PNLIPRP3: variants seen among roughly 807,000 people sequenced by gnomAD.
PNLIPRP3 encodes the protein pancreatic lipase-related protein 3.
PNLIPRP3 carries 58 observed loss-of-function variants against 52.8 expected under a neutral mutation model. That is an observed-to-expected ratio of 1.10 (90% CI 0.89 to 1.37). The LOEUF is 1.37. Among genes scored for constraint, PNLIPRP3 ranks in the 40% most tolerant of loss-of-function variants. PNLIPRP3 has a pLI of 0.00. For synonymous variants in PNLIPRP3, 192 were observed against 185.0 expected (o/e 1.04, Z -0.31); for missense variants, 593 against 561.6 (o/e 1.06, Z -0.57).
intron 2 of PNLIPRP3, among the ~76,000 whole-genome samples, chr10:116,438,516 T>C (rs1456352345): frequency 6.6e-6 from 1 of 152,202 alleles, no homozygotes; most frequent in Admixed American, 6.5e-5. Flanking sequence ...ACACTACTCT[T>C]TACTGAAATC....
At chr10:116,445,828 T>C (rs1845940246) in intron 4 of PNLIPRP3, among the ~76,000 whole-genome samples, 1 of 152,134 alleles carries the variant, frequency 6.6e-6, no homozygotes, top group Non-Finnish European at 1.5e-5. Context: ...AAGGAGCAGC[T>C]AAAGGAACAG....
At chr10:116,459,029 C>A (rs1158482521) in intron 5 of PNLIPRP3, among the ~76,000 whole-genome samples, 3 of 152,072 alleles carry the variant, frequency 2.0e-5, no homozygotes, top group Admixed American at 1.3e-4. Context: ...TTTACTTGAC[C>A]CCTCTGCAGA....
intron 9 of PNLIPRP3, among the ~76,000 whole-genome samples, chr10:116,469,963 A>G (rs1003677780): frequency 1.3e-5 from 1 of 78,678 alleles, no homozygotes; most frequent in African/African-American, 3.8e-5. Context: ...TATTGCCACA[A>G]TTCAGGCAAA....
intron 7 of PNLIPRP3, among the ~76,000 whole-genome samples, chr10:116,465,277 C>T (rs912609342): frequency 2.0e-5 from 3 of 152,098 alleles, no homozygotes; most frequent in African/African-American, 7.2e-5. Flanking sequence ...CGGTGGCTCA[C>T]ACCTGCAATC....
chr10:116,463,429 C>A (rs1480044716), intron 7 of PNLIPRP3, among the ~76,000 whole-genome samples: 2 of 152,108 alleles, frequency 1.3e-5, no homozygotes, highest in African/African-American at 4.8e-5. Context: ...TCCTTCAGGA[C>A]CTCTCTCCCC....
At chr10:116,442,223 A>G (rs991895992) in intron 2 of PNLIPRP3, among the ~76,000 whole-genome samples, 4 of 152,176 alleles carry the variant, frequency 2.6e-5, no homozygotes, top group African/African-American at 9.7e-5. Context: ...AGTCTTTGAG[A>G]GTTTTGTTAT....
At chr10:116,469,603 G>C (rs1040948203) in intron 9 of PNLIPRP3, among the ~76,000 whole-genome samples, 3 of 152,216 alleles carry the variant, frequency 2.0e-5, no homozygotes, top group African/African-American at 7.2e-5. Context: ...TTTCTAAGCT[G>C]ACTCCTGAAG....
chr10:116,449,034 AAAT>A lies in PNLIPRP3; in HGVS notation c.456+4522_456+4524del, dbSNP rs1253634454. Among the ~76,000 whole-genome samples the A allele has an allele frequency of 2.6e-3, 206 of 79,638 alleles. 1 individual carries two copies. Among genetic ancestry groups the A allele is most frequent in the African/African-American group, 7.5e-3 (196 of 26,238 alleles). 52.2% of individuals were successfully genotyped at this position (79,638 alleles called of 152,430 possible). On this transcript the variant is annotated intron_variant, in intron 4 of 11. Transcript: ENST00000369230. ...CCATCTCAAAAAAAAAAAAAAAAAA[AAAT>A]TTCTAATTAGCTGGGCGTGGTAACA... is the stretch of plus-strand genomic sequence containing the variant.
intron 7 of PNLIPRP3, among the ~76,000 whole-genome samples, chr10:116,462,180 C>A (rs1423752179): frequency 6.6e-6 from 1 of 151,844 alleles, no homozygotes; most frequent in Non-Finnish European, 1.5e-5. Context: ...ATAGTAGTTT[C>A]CAATAATAAT....
chr10:116,445,229 A>C (rs1206661418), intron 4 of PNLIPRP3, among the ~76,000 whole-genome samples: 1 of 152,104 alleles, frequency 6.6e-6, no homozygotes, highest in African/African-American at 2.4e-5. Flanking sequence ...CAAAATGTAC[A>C]CTCTAGTAGG....
rs939814668 is a variant in PNLIPRP3, at chr10:116,446,870, C to G, written c.456+2357C>G. On this transcript the variant is annotated intron_variant, in intron 4 of 11. Transcript: ENST00000369230. ...GAAGGAAACTCCTAGCTTCCCGCTT[C>G]ACCTTGTGGACAGAAAAAGTGGGAC... Among the ~76,000 whole-genome samples, 4 of 152,316 alleles carry G rather than the reference C, an allele frequency of 2.6e-5. No individual in the cohort carries two copies. In the South Asian group the frequency reaches 8.3e-4, roughly 32 times the overall value.
At chr10:116,453,332 G>A (rs1206059584) in intron 4 of PNLIPRP3, among the ~76,000 whole-genome samples, 1 of 152,110 alleles carries the variant, frequency 6.6e-6, no homozygotes, top group Non-Finnish European at 1.5e-5. Flanking sequence ...TAGGTAAAAG[G>A]AACTTGGCCT....
intron 8 of PNLIPRP3, among the ~76,000 whole-genome samples, chr10:116,466,655 A>G (rs1846286024): frequency 6.6e-6 from 1 of 152,220 alleles, no homozygotes; most frequent in Non-Finnish European, 1.5e-5. Context: ...GGAGCTCTAC[A>G]CAGATCAATA....
At chr10:116,429,514 G>A (rs1008616603) in intron 1 of PNLIPRP3, among the ~76,000 whole-genome samples, 1 of 152,172 alleles carries the variant, frequency 6.6e-6, no homozygotes, top group Non-Finnish European at 1.5e-5. Context: ...ACATCTTGGC[G>A]CTAGCTTGTG....
At chr10:116,444,645 T>C (rs1260712635) in intron 4 of PNLIPRP3, 132 bp downstream of exon 4, 1 of 913,072 alleles carries the variant, frequency 1.1e-6, no homozygotes, top group African/African-American at 1.7e-5. Flanking sequence ...TAAGCATTTG[T>C]ATATGGCAGA....
intron 7 of PNLIPRP3, 71 bp downstream of exon 7, chr10:116,461,361 C>T: frequency 1.3e-6 from 2 of 1,525,942 alleles, no homozygotes; most frequent in Non-Finnish European, 1.8e-6. Context: ...TGGGATCCAC[C>T]TACTTTTGTG....
chr10:116,448,038 G>A (rs1337397805), intron 4 of PNLIPRP3, among the ~76,000 whole-genome samples: 1 of 149,004 alleles, frequency 6.7e-6, no homozygotes, highest in African/African-American at 2.5e-5. Context: ...AAGAAAGAAA[G>A]AAAGAGAAAG....
intron 1 of PNLIPRP3, among the ~76,000 whole-genome samples, chr10:116,435,807 T>C (rs887409690): frequency 7.2e-5 from 11 of 152,218 alleles, no homozygotes; most frequent in Non-Finnish European, 1.5e-4. Context: ...GTGAGTTCCT[T>C]AGGTAATTTT....
intron 2 of PNLIPRP3, chr10:116,439,604 C>T: frequency 1.3e-6 from 1 of 776,196 alleles, no homozygotes; most frequent in Admixed American, 1.8e-5. Context: ...ACTTTTTCAG[C>T]TTTGCCACCT....
Sources: gnomAD v4.1 joint callset for allele counts (sites outside exome capture counted in the v4.1 genomes callset) on GRCh38, gnomAD v4.1.1 for gene constraint, MANE v1.5 for transcripts, NCBI Gene and HGNC (gene_info 2026-07-23, HGNC 2026-07-21) for gene names.